TET1: variants seen among roughly 807,000 people sequenced by gnomAD.
TET1 encodes the protein methylcytosine dioxygenase TET1.
In TET1, 13 loss-of-function variants were observed where a neutral mutation model predicts 148.7. The observed-to-expected ratio is 0.09, with a 90% CI of 0.06 to 0.14. TET1 has a LOEUF of 0.14. Ranked by LOEUF, TET1 falls within the 10% of genes least tolerant of loss-of-function variation. The probability of loss-of-function intolerance (pLI) is 1.00; values close to 1 mark genes in which losing one functional copy is unlikely to be tolerated. For synonymous variants in TET1, 907 were observed against 937.2 expected, an observed-to-expected ratio of 0.97 and a Z score of 0.59; for missense variants, 2,182 against 2,553.8, an observed-to-expected ratio of 0.85 and a Z score of 3.14.
chr10:68,692,020 A>G lies in TET1; in HGVS notation c.*206A>G. 1 of 558,318 alleles carries G rather than the reference A, an allele frequency of 1.8e-6. No homozygotes were observed. Among genetic ancestry groups the G allele is most frequent in the South Asian group, 3.7e-5 (1 of 27,140 alleles). The allele number at this position is 558,318 out of a possible 1,614,324, so 34.6% of individuals were successfully genotyped here. ...TGGTAGAAGGTGCACATTTTAAGCA[A>G]AAATAAAAGTTTTATAGTTTTAAAT... is the stretch of plus-strand genomic sequence containing the variant. On this transcript the variant is annotated 3_prime_UTR_variant, in exon 12 of 12. Transcript: ENST00000373644.
rs1250890248 is a variant in TET1 at position 68,572,270 on chromosome 10, A to G, written c.-69A>G. 4 of 1,370,918 alleles carry G rather than the reference A, an allele frequency of 2.9e-6. No individual in the cohort carries two copies. Among genetic ancestry groups the G allele is most frequent in the Non-Finnish European group, 3.9e-6 (4 of 1,015,408 alleles). The allele number at this position is 1,370,918 out of a possible 1,614,324, so 84.9% of individuals were successfully genotyped here. ...AGCAGTGCATCCAGATTCTCCTCAG[A>G]AGTGAGACTTTCCAAAGGACCAATG... On this transcript the variant is annotated 5_prime_UTR_variant, in exon 2 of 12. Transcript: ENST00000373644.
intron 2 of TET1, among the ~76,000 whole-genome samples, chr10:68,593,205 C>T (rs2053938058): frequency 7.8e-6 from 1 of 128,796 alleles, no homozygotes. Flanking sequence ...GCACTCCAGC[C>T]TGGCGAGAGA....
At chr10:68,605,404 C>T (rs926946738) in intron 3 of TET1, among the ~76,000 whole-genome samples, 1 of 151,986 alleles carries the variant, frequency 6.6e-6, no homozygotes, top group Non-Finnish European at 1.5e-5. Context: ...ATCCAGGAGG[C>T]GGAGGTTACA....
Position 68,601,002 on chromosome 10 carries a change from C to T in TET1, c.1936C>T (p.Pro646Ser). 3.1e-6 allele frequency: 5 copies of T among 1,605,506 alleles called. No individual in the cohort carries two copies. The highest frequency in any genetic ancestry group is 4.2e-6 in the Non-Finnish European group (5 of 1,178,046). Residue 646 changes from proline to serine, a missense_variant, in exon 3 of 12, where the codon CCC (proline) becomes TCC (serine). This residue lies in a region of TET1 where 226 missense variants were observed against 307.4 expected (regional missense o/e 0.74). Coordinates refer to ENST00000373644, the MANE Select transcript of TET1 (RefSeq NM_030625.3). ...PLEVIKENKR[P>S]QREKKPKVLK... ...TTAGGTTATAAAGGAAAACAAGAGG[C>T]CCCAGAGGGAAAAGAAGCCCAAAGT...
intron 2 of TET1, among the ~76,000 whole-genome samples, chr10:68,597,974 G>A (rs1387589295): frequency 6.6e-6 from 1 of 152,182 alleles, no homozygotes; most frequent in African/African-American, 2.4e-5. Context: ...CAAATGAGGA[G>A]TTATTGTTTA....
intron 4 of TET1, among the ~76,000 whole-genome samples, chr10:68,651,049 CTATA>C (rs1428769209): frequency 1.3e-5 from 2 of 151,960 alleles, no homozygotes; most frequent in Non-Finnish European, 2.9e-5. Flanking sequence ...TTGTATACCA[CTATA>C]TAAACATCCC....
At chr10:68,685,596 C>T (rs2055498186) in intron 10 of TET1, among the ~76,000 whole-genome samples, 1 of 151,876 alleles carries the variant, frequency 6.6e-6, no homozygotes, top group South Asian at 2.1e-4. Context: ...GTTTTTAAAG[C>T]AGAATATTAA....
chr10:68,645,130 A>G lies in TET1; in HGVS notation c.2401A>G (p.Lys801Glu), dbSNP rs553983795. The change falls in exon 4 of 12, where the codon AAA becomes GAA. Residue 801 changes from lysine (K) to glutamate (E), a missense_variant. Physicochemically the swap from Lys to Glu is moderately conservative, Grantham distance 56. Coordinates refer to ENST00000373644, the MANE Select transcript of TET1 (RefSeq NM_030625.3). Reference sequence around the variant, plus strand: ...ATTCCTAAAAGACACTGCAAACCATAAAAACGCTATGAGCTCTGTTGCTAC... The same window carrying G: ...ATTCCTAAAAGACACTGCAAACCATGAAAACGCTATGAGCTCTGTTGCTAC... Reference protein sequence around the residue: ...YKFLKDTANHKNAMSSVATDM... With the variant: ...YKFLKDTANHENAMSSVATDM... The G allele has an allele frequency of 2.4e-5, 39 of 1,613,890 alleles. No homozygotes were observed. Among genetic ancestry groups the G allele is most frequent in the Non-Finnish European group, 3.1e-5 (36 of 1,179,798 alleles).
chr10:68,673,090 A>G (rs745420620), intron 8 of TET1, 45 bp downstream of exon 8: 2 of 1,562,796 alleles, frequency 1.3e-6, no homozygotes, highest in Admixed American at 3.4e-5. Flanking sequence ...TGAATTACAC[A>G]TTGAATATGT....
intron 3 of TET1, among the ~76,000 whole-genome samples, chr10:68,633,057 G>A (rs1010651725): frequency 6.6e-6 from 1 of 151,984 alleles, no homozygotes; most frequent in East Asian, 1.9e-4. Flanking sequence ...GGTGGTGGGC[G>A]CCTGTAATCC....
intron 1 of TET1, among the ~76,000 whole-genome samples, chr10:68,566,811 T>TTC (rs201483313): frequency 4.6e-4 from 56 of 121,566 alleles, no homozygotes; most frequent in Admixed American, 2.3e-3. Context: ...ACCACTTATT[T>TTC]TCTCTCTCTC....
chr10:68,639,033 G>A (rs142067880), intron 3 of TET1, among the ~76,000 whole-genome samples: 7 of 151,574 alleles, frequency 4.6e-5, no homozygotes, highest in East Asian at 1.9e-4. Flanking sequence ...GCAAGTTCTC[G>A]TCTTAGGATA....
At chr10:68,603,970 T>A (rs1384904640) in intron 3 of TET1, among the ~76,000 whole-genome samples, 1 of 152,194 alleles carries the variant, frequency 6.6e-6, no homozygotes, top group Non-Finnish European at 1.5e-5. Context: ...TGGGGGTAGC[T>A]CAGCATCAAC....
At chr10:68,602,354 C>T (rs1285534600) in intron 3 of TET1, among the ~76,000 whole-genome samples, 1 of 152,164 alleles carries the variant, frequency 6.6e-6, no homozygotes, top group Non-Finnish European at 1.5e-5. Context: ...TTAAAAGCTC[C>T]TTCTATACTT....
intron 1 of TET1, among the ~76,000 whole-genome samples, chr10:68,563,724 C>T (rs773400288): frequency 9.9e-5 from 15 of 152,224 alleles, no homozygotes; most frequent in African/African-American, 1.7e-4. Flanking sequence ...CTCTGTCTCC[C>T]AGGCTAGAGT....
At chr10:68,637,405 A>G (rs1443335073) in intron 3 of TET1, among the ~76,000 whole-genome samples, 1 of 152,088 alleles carries the variant, frequency 6.6e-6, no homozygotes, top group African/African-American at 2.4e-5. Context: ...AAACTTTGGG[A>G]AAAACTGTTG....
chr10:68,645,707 C>T lies in TET1; in HGVS notation c.2978C>T (p.Ser993Leu). ...GCTACTAACCAAGCATCCACAAAGT[C>T]ACATGAATATTCAAAAGTCACAAAT... The part of the protein sequence containing the change: ...NSATNQASTK[S>L]HEYSKVTNSL... Residue 993 changes from serine to leucine, a missense_variant, in exon 4 of 12, where the codon TCA becomes TTA. By Grantham distance (145) the Ser-to-Leu change is moderately radical. Around this residue, in one of 11 missense-constraint regions of TET1, gnomAD observed 582 missense variants for 599.5 expected, o/e 0.97. Transcript: ENST00000373644. 1 of 1,614,188 alleles carries T rather than the reference C, an allele frequency of 6.2e-7. No individual in the cohort carries two copies. The highest frequency in any genetic ancestry group is 1.7e-5 in the Admixed American group (1 of 60,024).
intron 8 of TET1, among the ~76,000 whole-genome samples, chr10:68,676,268 ATTTTTTTT>A (rs1217792442): frequency 1.1e-4 from 4 of 35,990 alleles, no homozygotes; most frequent in South Asian, 1.0e-3. Context: ...ATATATATAT[ATTTTTTTT>A]TTTTTTTTTT....
intron 2 of TET1, among the ~76,000 whole-genome samples, chr10:68,600,333 G>T (rs1451752658): frequency 6.6e-6 from 1 of 152,142 alleles, no homozygotes; most frequent in Non-Finnish European, 1.5e-5. Flanking sequence ...TCGATCCAAT[G>T]GTGGTGACCT....
Sources: gnomAD v4.1 joint callset for allele counts (sites outside exome capture counted in the v4.1 genomes callset) on GRCh38, gnomAD v4.1.1 for gene constraint, gnomAD v4.1.1 regional missense constraint, MANE v1.5 for transcripts, NCBI Gene and HGNC (gene_info 2026-07-23, HGNC 2026-07-21) for gene names.